The following RNASE10 variants were observed in gnomAD, a reference collection of about 807,000 sequenced individuals.
RNASE10 encodes ribonuclease A family member 10 (inactive), also known as inactive ribonuclease-like protein 10.
A neutral mutation model predicts 1.1 loss-of-function variants in RNASE10; 2 were observed. That is an observed-to-expected ratio of 1.82 (90% CI 0.74 to 5.73). The LOEUF is 5.73. Ranked by LOEUF, RNASE10 falls within the 30% of genes most tolerant of loss-of-function variation. The pLI, the probability that RNASE10 is intolerant of heterozygous loss-of-function variation, is 0.05. For synonymous variants in RNASE10, 97 were observed against 96.2 expected, an observed-to-expected ratio of 1.01 and a Z score of -0.05; for missense variants, 276 against 263.4, an observed-to-expected ratio of 1.05 and a Z score of -0.33.
At chr14:20,509,735 G>A (rs1311190683) in intron 1 of RNASE10, among the ~76,000 whole-genome samples, 1 of 152,084 alleles carries the variant, frequency 6.6e-6, no homozygotes, top group Non-Finnish European at 1.5e-5. Flanking sequence ...TGACAATAAG[G>A]CTTTCTACAA....
chr14:20,511,567 G>T (rs192352557), downstream of RNASE10, among the ~76,000 whole-genome samples: 1 of 152,294 alleles, frequency 6.6e-6, no homozygotes, highest in African/African-American at 2.4e-5. Flanking sequence ...AAGTTAAAGT[G>T]ATTCTATCTG....
upstream of RNASE10, among the ~76,000 whole-genome samples, chr14:20,504,944 G>C (rs1882652315): frequency 6.6e-6 from 1 of 152,032 alleles, no homozygotes; most frequent in Non-Finnish European, 1.5e-5. Context: ...CCACTGCGAG[G>C]CTCCAAAGCT....
chr14:20,507,623 T>TA (rs66657778), intron 1 of RNASE10, among the ~76,000 whole-genome samples: 37,756 of 136,744 alleles, frequency 0.28, 5,457 homozygotes, highest in African/African-American at 0.31. Context: ...AAAAAATAAA[T>TA]AAATAAATAA....
chr14:20,513,203 CTTTTG>C (rs201161828), downstream of RNASE10, among the ~76,000 whole-genome samples: 6,247 of 151,956 alleles, frequency 0.041, 415 homozygotes, highest in African/African-American at 0.14. Context: ...TCATGTTTTT[CTTTTG>C]TTTTGTTTTG....
chr14:20,504,871 C>T (rs1040652189), upstream of RNASE10, among the ~76,000 whole-genome samples: 12 of 151,840 alleles, frequency 7.9e-5, no homozygotes, highest in African/African-American at 2.7e-4. Flanking sequence ...AGCCTCAGTC[C>T]CTAACCCAGC....
upstream of RNASE10, among the ~76,000 whole-genome samples, chr14:20,505,189 A>G (rs1448473503): frequency 2.0e-5 from 3 of 149,460 alleles, no homozygotes; most frequent in Non-Finnish European, 4.4e-5. Context: ...TGATTCACCC[A>G]TGAAACAGTG....
intron 1 of RNASE10, among the ~76,000 whole-genome samples, chr14:20,507,896 C>T (rs533039770): frequency 2.0e-5 from 3 of 152,056 alleles, no homozygotes; most frequent in East Asian, 3.9e-4. Context: ...TGAAGACACA[C>T]GCCACCAAGC....
At chr14:20,506,447 T>G (rs1215442336) in intron 1 of RNASE10, among the ~76,000 whole-genome samples, 8 of 93,104 alleles carry the variant, frequency 8.6e-5, no homozygotes, top group South Asian at 3.8e-4. Flanking sequence ...GGAGGGGGGG[T>G]CAGCCCCCTG....
At chr14:20,506,182 T>TC (rs764492890) in intron 1 of RNASE10, among the ~76,000 whole-genome samples, 163 bp downstream of exon 1, 4 of 86,034 alleles carry the variant, frequency 4.6e-5, no homozygotes, top group East Asian at 3.6e-4. Flanking sequence ...GGGAGGGAGG[T>TC]GGGGGGGGGT....
rs1423721762 is a variant in RNASE10 at position 20,510,815 on chromosome 14, C to CAGAT, written c.432_435dup (p.Glu146Ter). Reference sequence around the variant, plus strand: ...AAAGACTATCTTAGGCTTGACCAGACAGATAGAGAATGCAATGATATGATG... The same window carrying CAGAT: ...AAAGACTATCTTAGGCTTGACCAGACAGATAGATAGAGAATGCAATGATATGATG... On this transcript the variant is annotated frameshift_variant, in exon 2 of 2. Transcript: ENST00000430083. LOFTEE classifies it low-confidence loss of function (END_TRUNC). 6.2e-7 allele frequency: 1 copy of CAGAT among 1,614,040 alleles called. No individual in the cohort carries two copies. Among genetic ancestry groups the CAGAT allele is most frequent in the African/African-American group, 1.3e-5 (1 of 74,902 alleles).
At chr14:20,511,122 A>G in exon 2 of RNASE10, 2 of 1,480,636 alleles carry the variant, frequency 1.4e-6, no homozygotes, top group Non-Finnish European at 1.8e-6. Flanking sequence ...CTGGACAATG[A>G]AGCAACTCAT....
At chr14:20,507,615 A>C (rs909448347) in intron 1 of RNASE10, among the ~76,000 whole-genome samples, 1 of 124,972 alleles carries the variant, frequency 8.0e-6, no homozygotes, top group Non-Finnish European at 1.8e-5. Flanking sequence ...ATCAATTAAA[A>C]AAATAAATAA....
intron 1 of RNASE10, among the ~76,000 whole-genome samples, chr14:20,509,418 A>T (rs759589023): frequency 2.4e-4 from 36 of 152,234 alleles, no homozygotes; most frequent in Non-Finnish European, 3.8e-4. Flanking sequence ...TTTCATTCTT[A>T]TTCCATTTCT....
downstream of RNASE10, chr14:20,511,213 AT>A: frequency 1.9e-6 from 2 of 1,057,688 alleles, no homozygotes; most frequent in Admixed American, 6.9e-5. Flanking sequence ...GATCTTAGGT[AT>A]CATGCAGATG....
Position 20,511,005 on chromosome 14 carries a change from C to T in RNASE10, c.618C>T (p.Cys206=), listed in dbSNP as rs73569478. 5.5e-4 allele frequency: 879 copies of T among 1,596,366 alleles called. 10 individuals are homozygous for T. In the African/African-American group the frequency reaches 0.01, roughly 18 times the overall value. ...CCCGACCTTTTGATTTGACATTGTG[C>T]GAGCTGTCCCAACCAGACCAGGTCA... The change falls in exon 2 of 2, where the codon TGC becomes TGT. Residue 206 remains cysteine, a synonymous_variant. Transcript: ENST00000430083.
upstream of RNASE10, among the ~76,000 whole-genome samples, chr14:20,504,932 C>G (rs1186318389): frequency 6.6e-6 from 1 of 152,056 alleles, no homozygotes; most frequent in African/African-American, 2.4e-5. Context: ...CACACGTACA[C>G]ACCACTGCGA....
At chr14:20,510,371 AG>A (rs1882863500) in intron 1 of RNASE10, 95 bp from the exon 2 acceptor site, 1 of 1,507,726 alleles carries the variant, frequency 6.6e-7, no homozygotes, top group Admixed American at 2.2e-5. Context: ...AGGAGACCCC[AG>A]ATACAATGCT....
At chr14:20,506,229 T>G (rs1401519049) in intron 1 of RNASE10, among the ~76,000 whole-genome samples, 29 of 62,200 alleles carry the variant, frequency 4.7e-4, no homozygotes, top group African/African-American at 5.9e-4. Context: ...GTCCGGGAGG[T>G]GAGGGGCTCC....
chr14:20,510,720 T>G, exon 2 of RNASE10: 1 of 1,614,214 alleles, frequency 6.2e-7, no homozygotes, highest in Non-Finnish European at 8.5e-7. Context: ...GGCCAGAAGA[T>G]CCCATCCTCG....
Sources: gnomAD v4.1 joint callset for allele counts (sites outside exome capture counted in the v4.1 genomes callset) on GRCh38, gnomAD v4.1.1 for gene constraint, MANE v1.5 for transcripts, NCBI Gene and HGNC (gene_info 2026-07-23, HGNC 2026-07-21) for gene names.